NEK11: variants seen among roughly 807,000 people sequenced by gnomAD.
NEK11 encodes the protein serine/threonine-protein kinase Nek11.
Under a neutral mutation model 80.7 loss-of-function variants are expected in NEK11, and 72 were observed. That is an observed-to-expected ratio of 0.89 (90% confidence interval 0.74 to 1.08). NEK11 has a LOEUF of 1.08. Ranked by LOEUF, NEK11 falls within the 50% of genes least tolerant of loss-of-function variation. The probability of loss-of-function intolerance (pLI) is 0.00; values close to 1 mark genes in which losing one functional copy is unlikely to be tolerated. For synonymous variants in NEK11, 251 were observed against 260.7 expected, an observed-to-expected ratio of 0.96 and a Z score of 0.36; for missense variants, 764 against 763.6, an observed-to-expected ratio of 1.00 and a Z score of -0.01.
At chr3:131,174,912 C>A in intron 14 of NEK11, 2 of 1,455,514 alleles carry the variant, frequency 1.4e-6, no homozygotes, top group Non-Finnish European at 1.8e-6. Context: ...GCTGCTTACC[C>A]ACATCCTGAC....
intron 7 of NEK11, among the ~76,000 whole-genome samples, chr3:131,145,534 G>A (rs1006928963): frequency 6.6e-6 from 1 of 152,008 alleles, no homozygotes; most frequent in African/African-American, 2.4e-5. Flanking sequence ...GTTGTCTAAG[G>A]CCCCAGTGAT....
chr3:131,194,943 TG>T (rs957116573), intron 14 of NEK11, among the ~76,000 whole-genome samples: 13 of 152,156 alleles, frequency 8.5e-5, no homozygotes, highest in Non-Finnish European at 1.5e-4. Context: ...GTTTCAACAC[TG>T]TCATCTATAA....
chr3:131,333,061 G>C (rs1158945278), intron 17 of NEK11, among the ~76,000 whole-genome samples: 3 of 152,186 alleles, frequency 2.0e-5, no homozygotes, highest in Admixed American at 2.0e-4. Flanking sequence ...TTATCCAAGA[G>C]AACTTCCCCA....
At chr3:131,224,601 T>C (rs1561063594) in intron 14 of NEK11, among the ~76,000 whole-genome samples, 2 of 152,116 alleles carry the variant, frequency 1.3e-5, no homozygotes, top group Admixed American at 6.6e-5. Flanking sequence ...TAAAACAGCC[T>C]TGGGCAGGTC....
chr3:131,239,869 C>A (rs1349494491), intron 15 of NEK11, among the ~76,000 whole-genome samples: 1 of 152,028 alleles, frequency 6.6e-6, no homozygotes, highest in Non-Finnish European at 1.5e-5. Context: ...TCATTTGTTA[C>A]CAAACAATAT....
At chr3:131,098,815 A>C (rs141490737) in intron 4 of NEK11, among the ~76,000 whole-genome samples, 1 of 146,416 alleles carries the variant, frequency 6.8e-6, no homozygotes, top group African/African-American at 2.5e-5. Flanking sequence ...ACCTTTGCCT[A>C]CTTTTAAATG....
chr3:131,142,579 T>A (rs2087195528), intron 7 of NEK11, among the ~76,000 whole-genome samples: 1 of 152,162 alleles, frequency 6.6e-6, no homozygotes. Context: ...TAAATAACAG[T>A]TGGTTATGTA....
chr3:131,283,766 A>G (rs1210941029), intron 17 of NEK11, among the ~76,000 whole-genome samples: 1 of 152,170 alleles, frequency 6.6e-6, no homozygotes, highest in Non-Finnish European at 1.5e-5. Flanking sequence ...AGTGTTTCTG[A>G]AGAAACTGCT....
intron 14 of NEK11, among the ~76,000 whole-genome samples, chr3:131,190,776 C>T (rs369269972): frequency 7.2e-5 from 11 of 152,130 alleles, no homozygotes; most frequent in South Asian, 4.1e-4. Context: ...AGAAGATAAT[C>T]TTCCAATTCT....
intron 5 of NEK11, among the ~76,000 whole-genome samples, chr3:131,115,218 A>T (rs1024944961): frequency 6.6e-6 from 1 of 152,110 alleles, no homozygotes; most frequent in African/African-American, 2.4e-5. Flanking sequence ...TAGACATCTC[A>T]TCTCCTACCC....
chr3:131,087,406 G>A (rs2076139706), intron 4 of NEK11, among the ~76,000 whole-genome samples: 1 of 151,872 alleles, frequency 6.6e-6, no homozygotes, highest in Non-Finnish European at 1.5e-5. Context: ...ACCACGCCCA[G>A]CTAATTTTTG....
intron 16 of NEK11, among the ~76,000 whole-genome samples, chr3:131,269,529 C>T (rs1359607632): frequency 6.6e-6 from 1 of 152,196 alleles, no homozygotes; most frequent in Non-Finnish European, 1.5e-5. Context: ...ACGCCCCACC[C>T]TGCTTCAGCT....
chr3:131,068,700 G>C (rs2072551392), intron 3 of NEK11, among the ~76,000 whole-genome samples: 1 of 152,118 alleles, frequency 6.6e-6, no homozygotes, highest in African/African-American at 2.4e-5. Flanking sequence ...ACAAATCAAT[G>C]ACTAAATCCA....
At chr3:131,323,334 A>G (rs965821654) in intron 17 of NEK11, among the ~76,000 whole-genome samples, 2 of 152,240 alleles carry the variant, frequency 1.3e-5, no homozygotes, top group Non-Finnish European at 2.9e-5. Context: ...TGTCAAGAGC[A>G]GGTGTCAGCC....
At chr3:131,176,031 T>A (rs989174827) in intron 14 of NEK11, among the ~76,000 whole-genome samples, 1 of 152,202 alleles carries the variant, frequency 6.6e-6, no homozygotes, top group African/African-American at 2.4e-5. Flanking sequence ...TTTGGGGTCC[T>A]TTCCAAGGAG....
chr3:131,137,104 G>T (rs1200129427), intron 7 of NEK11, among the ~76,000 whole-genome samples: 1 of 152,160 alleles, frequency 6.6e-6, no homozygotes, highest in African/African-American at 2.4e-5. Context: ...AGAGTGTACT[G>T]TGAAGCTCTC....
chr3:131,080,377 T>G, intron 3 of NEK11, 46 bp from the exon 4 acceptor site: 1 of 1,399,332 alleles, frequency 7.1e-7, no homozygotes, highest in Non-Finnish European at 9.9e-7. Flanking sequence ...ATTTGTTAAA[T>G]GTGTTTTTCA....
intron 16 of NEK11, among the ~76,000 whole-genome samples, chr3:131,271,504 A>T (rs988351675): frequency 3.2e-4 from 49 of 152,270 alleles, no homozygotes; most frequent in Non-Finnish European, 6.3e-4. Context: ...TTTAAAATTT[A>T]AAAAATAGAG....
At position 131,086,357 on chromosome 3, in the gene NEK11, C is replaced by G. The variant is rs150282304; in HGVS notation, c.336+5769C>G. On this transcript the variant is annotated intron_variant, in intron 4 of 17. Transcript: ENST00000383366. ...TACCTAATTGTGATTATATATTTCT[C>G]TCATTCTTTCTGTATTTACTAATTG... Among the ~76,000 whole-genome samples the G allele has an allele frequency of 2.4e-3, 359 of 152,272 alleles. 1 individual carries two copies. The highest frequency in any genetic ancestry group is 8.1e-3 in the African/African-American group (338 of 41,560).
Sources: gnomAD v4.1 joint callset for allele counts (sites outside exome capture counted in the v4.1 genomes callset) on GRCh38, gnomAD v4.1.1 for gene constraint, MANE v1.5 for transcripts, NCBI Gene and HGNC (gene_info 2026-07-23, HGNC 2026-07-21) for gene names.